The following SLC39A8 variants were observed in gnomAD, a reference collection of about 807,000 sequenced individuals.
SLC39A8 encodes metal cation symporter ZIP8.
SLC39A8 carries 15 observed loss-of-function variants against 40.4 expected under a neutral mutation model. That is an observed-to-expected ratio of 0.37 (90% CI 0.25 to 0.57). The LOEUF is 0.57. SLC39A8 is among the 20% of genes least tolerant of loss of function. The pLI is 0.75. For synonymous variants in SLC39A8, 223 were observed against 221.6 expected (o/e 1.01, Z -0.06); for missense variants, 472 against 558.8 (o/e 0.84, Z 1.57).
At chr4:102,290,933 C>T (rs1187107740) in intron 6 of SLC39A8, among the ~76,000 whole-genome samples, 1 of 152,052 alleles carries the variant, frequency 6.6e-6, no homozygotes, top group African/African-American at 2.4e-5. Context: ...TTGTGAACAG[C>T]TCCACTTGTA....
chr4:102,323,142 T>C (rs1388438259), intron 2 of SLC39A8, among the ~76,000 whole-genome samples: 1 of 151,950 alleles, frequency 6.6e-6, no homozygotes, highest in Non-Finnish European at 1.5e-5. Context: ...AAGTAAGAGG[T>C]TTAATAAGAA....
At chr4:102,255,705 G>C (rs1186099287) in intron 11 of SLC39A8, among the ~76,000 whole-genome samples, 5 of 152,136 alleles carry the variant, frequency 3.3e-5, no homozygotes, top group African/African-American at 1.2e-4. Flanking sequence ...ACATGGACAA[G>C]GGCAGAAGTC....
chr4:102,329,027 CAAA>C (rs35230164), intron 2 of SLC39A8, among the ~76,000 whole-genome samples: 7 of 95,520 alleles, frequency 7.3e-5, no homozygotes, highest in Admixed American at 2.2e-4. Context: ...GACTGAATCT[CAAA>C]AAAAAAAAAA....
chr4:102,342,537 C>T (rs1735990041), intron 2 of SLC39A8, among the ~76,000 whole-genome samples: 1 of 152,138 alleles, frequency 6.6e-6, no homozygotes, highest in Non-Finnish European at 1.5e-5. Flanking sequence ...GTTTGTTAGG[C>T]TTATTAAGTG....
At chr4:102,252,127 A>AAC (rs1407508169) in exon 12 of SLC39A8, 1 of 152,328 alleles carries the variant, frequency 6.6e-6, no homozygotes, top group African/African-American at 2.4e-5. Context: ...GAAAGTGAGG[A>AAC]ACTAGAGCAT....
In SLC39A8 at chr4:102,320,203, GTA is replaced by G. The variant is rs1181926915; in HGVS notation, c.220-4375_220-4374del. 4.7e-3 allele frequency among the ~76,000 whole-genome samples: 577 copies of G among 121,768 alleles called. 5 individuals are homozygous for G. The highest frequency in any genetic ancestry group is 0.015 in the African/African-American group (483 of 31,824). 79.9% of individuals were successfully genotyped at this position (121,768 alleles called of 152,430 possible). A position where few individuals can be genotyped will look rare whatever the true frequency, so the allele number is the denominator to read the frequency against. On this transcript the variant is annotated intron_variant, in intron 2 of 8. Transcript: ENST00000356736. ...TATATATATATATGTATATATATAT[GTA>G]TATATATATGTATATATGTATGAGT...
chr4:102,333,024 G>A lies in SLC39A8; in HGVS notation c.219+11420C>T, dbSNP rs138729442. Among the ~76,000 whole-genome samples the A allele has an allele frequency of 3.0e-3, 456 of 152,234 alleles. 4 individuals are homozygous for A. The highest frequency in any genetic ancestry group is 0.011 in the African/African-American group (440 of 41,538). On this transcript the variant is annotated intron_variant, in intron 2 of 8. Transcript: ENST00000356736. Reference sequence around the variant, plus strand: ...CACACTGGGGTCTGTCAGGGGCTGCGGGGCTAGGGGAGGTATAGCATTAGG... The same window carrying A: ...CACACTGGGGTCTGTCAGGGGCTGCAGGGCTAGGGGAGGTATAGCATTAGG...
In SLC39A8 at chr4:102,261,913, C is replaced by T. The variant is rs1316228338; in HGVS notation, c.*1131G>A. The T allele has an allele frequency of 3.0e-6, 3 of 985,262 alleles. No homozygotes were observed. In the African/African-American group the frequency reaches 5.2e-5, roughly 17 times the overall value. 61.0% of individuals were successfully genotyped at this position (985,262 alleles called of 1,614,324 possible). A position where few individuals can be genotyped will look rare whatever the true frequency, so the allele number is the denominator to read the frequency against. ...TGAATCTAGGATGTTCAATTTTAGA[C>T]CAATTTTCTCTATCTTCTAAATGAG... On this transcript the variant is annotated 3_prime_UTR_variant, in exon 9 of 9. Transcript: ENST00000356736.
intron 6 of SLC39A8, among the ~76,000 whole-genome samples, chr4:102,283,162 A>G (rs1732979998): frequency 6.6e-6 from 1 of 152,194 alleles, no homozygotes; most frequent in South Asian, 2.1e-4. Context: ...CCTGTTAAAG[A>G]TTTATTGTTT....
intron 3 of SLC39A8, among the ~76,000 whole-genome samples, chr4:102,311,478 G>C (rs1366850558): frequency 2.0e-5 from 3 of 152,130 alleles, no homozygotes; most frequent in Admixed American, 6.5e-5. Flanking sequence ...TAACCTCTCT[G>C]GAACTTGGAC....
intron 2 of SLC39A8, among the ~76,000 whole-genome samples, chr4:102,326,500 G>A (rs1735209246): frequency 6.6e-6 from 1 of 152,204 alleles, no homozygotes. Flanking sequence ...GGCAGAGCTT[G>A]CAGTGAGCCG....
At chr4:102,266,659 G>C (rs1732113045) in intron 8 of SLC39A8, among the ~76,000 whole-genome samples, 3 of 149,552 alleles carry the variant, frequency 2.0e-5, no homozygotes, top group Admixed American at 2.0e-4. Context: ...TCAGGCTGGA[G>C]TACAGTGGCA....
chr4:102,342,063 T>A (rs1223156044), intron 2 of SLC39A8, among the ~76,000 whole-genome samples: 1 of 152,190 alleles, frequency 6.6e-6, no homozygotes, highest in Non-Finnish European at 1.5e-5. Context: ...AAAATTTTAC[T>A]CCAGAATTGG....
chr4:102,327,543 C>T (rs908023850), intron 2 of SLC39A8, among the ~76,000 whole-genome samples: 3 of 152,180 alleles, frequency 2.0e-5, no homozygotes, highest in African/African-American at 7.2e-5. Flanking sequence ...TATTGCTATA[C>T]CCATCCCTTC....
chr4:102,320,215 G>A (rs1381969781), intron 2 of SLC39A8, among the ~76,000 whole-genome samples: 3 of 125,528 alleles, frequency 2.4e-5, no homozygotes, highest in Non-Finnish European at 3.3e-5. Context: ...ATATATATAT[G>A]TATATATGTA....
intron 11 of SLC39A8, chr4:102,253,500 A>G: frequency 4.5e-6 from 3 of 669,450 alleles, no homozygotes; most frequent in South Asian, 3.5e-5. Context: ...GTAATCTTTC[A>G]GTCCTCTAAG....
intron 6 of SLC39A8, among the ~76,000 whole-genome samples, chr4:102,284,342 T>C (rs576984245): frequency 6.6e-6 from 1 of 152,336 alleles, no homozygotes; most frequent in Admixed American, 6.5e-5. Flanking sequence ...AGTGCCTGCA[T>C]GGCATTTGTA....
intron 6 of SLC39A8, among the ~76,000 whole-genome samples, chr4:102,300,113 C>T (rs1046581522): frequency 6.6e-6 from 1 of 151,984 alleles, no homozygotes; most frequent in Non-Finnish European, 1.5e-5. Context: ...CTCTGTGACC[C>T]CCACTTTTCC....
chr4:102,262,812 C>A lies in SLC39A8; in HGVS notation c.*232G>T. On this transcript the variant is annotated 3_prime_UTR_variant, in exon 9 of 9. Transcript: ENST00000356736. The stretch of plus-strand genomic sequence containing the variant: ...TGGAATACTGAAAAATAGGTATTTC[C>A]CAAAGGCTCCTATATACCAGGCATC... 7.9e-7 allele frequency: 1 copy of A among 1,263,412 alleles called. No individual in the cohort carries two copies. Among genetic ancestry groups the A allele is most frequent in the South Asian group, 2.5e-5 (1 of 40,650 alleles). The allele number at this position is 1,263,412 out of a possible 1,614,324, so 78.3% of individuals were successfully genotyped here. A position where few individuals can be genotyped will look rare whatever the true frequency, so the allele number is the denominator to read the frequency against.
Sources: allele counts gnomAD v4.1 joint callset (sites outside exome capture counted in the v4.1 genomes callset), GRCh38; gene constraint gnomAD v4.1.1; transcripts MANE v1.5; gene names NCBI Gene and HGNC (gene_info 2026-07-23, HGNC 2026-07-21).